The following TMEFF2 variants were observed in gnomAD, a reference collection of about 807,000 sequenced individuals.
TMEFF2 encodes tomoregulin-2.
Under a neutral mutation model 53.8 loss-of-function variants are expected in TMEFF2, and 28 were observed. The ratio of observed to expected loss-of-function variants is 0.52; its 90% CI spans 0.39 to 0.71. The LOEUF is 0.71. Ranked by LOEUF, TMEFF2 falls within the 30% of genes least tolerant of loss-of-function variation. TMEFF2 has a pLI of 0.00. For synonymous variants in TMEFF2, 162 were observed against 166.3 expected (o/e 0.97, Z 0.20); for missense variants, 353 against 455.2 (o/e 0.78, Z 2.04).
intron 5 of TMEFF2, among the ~76,000 whole-genome samples, chr2:192,033,520 ATTTTT>A (rs11396104): frequency 3.7e-5 from 5 of 135,606 alleles, no homozygotes; most frequent in Admixed American, 7.4e-5. Context: ...ACCAGTTTGG[ATTTTT>A]TTTTTTTTTT....
intron 4 of TMEFF2, among the ~76,000 whole-genome samples, chr2:192,060,638 T>C (rs1688021969): frequency 6.6e-6 from 1 of 152,180 alleles, no homozygotes; most frequent in South Asian, 2.1e-4. Flanking sequence ...TGAAAACCAC[T>C]GATTTAGTAC....
At chr2:192,104,151 A>G (rs559606726) in intron 4 of TMEFF2, among the ~76,000 whole-genome samples, 8 of 152,256 alleles carry the variant, frequency 5.3e-5, no homozygotes, top group Admixed American at 5.2e-4. Context: ...GCTTAAGGTA[A>G]AAGGGGGTAG....
intron 4 of TMEFF2, among the ~76,000 whole-genome samples, chr2:192,148,323 C>T (rs1310446100): frequency 1.3e-5 from 2 of 151,962 alleles, no homozygotes; most frequent in Non-Finnish European, 2.9e-5. Flanking sequence ...ATATTTTCCA[C>T]AATAATATGA....
At chr2:192,182,195 G>A (rs1691203071) in intron 3 of TMEFF2, among the ~76,000 whole-genome samples, 1 of 151,796 alleles carries the variant, frequency 6.6e-6, no homozygotes, top group Non-Finnish European at 1.5e-5. Flanking sequence ...TATTCCTAGA[G>A]CTTACAACTT....
Position 191,949,447 on chromosome 2 carries a change from T to A in TMEFF2, c.*864A>T. ...AGAACTATATACTATACATATTGTA[T>A]GGTGCTTTTGAGAATTCACGATTTT... On this transcript the variant is annotated 3_prime_UTR_variant, in exon 10 of 10. Transcript: ENST00000272771. The A allele has an allele frequency of 1.0e-6, 1 of 985,456 alleles. No individual in the cohort carries two copies. The highest frequency in any genetic ancestry group is 4.7e-5 in the South Asian group (1 of 21,288). 61.0% of individuals were successfully genotyped at this position (985,456 alleles called of 1,614,324 possible).
chr2:191,952,002 G>A (rs1358311535), intron 9 of TMEFF2, among the ~76,000 whole-genome samples: 1 of 152,186 alleles, frequency 6.6e-6, no homozygotes, highest in East Asian at 1.9e-4. Flanking sequence ...AGTGCAGTAT[G>A]AGCATGGTGA....
chr2:192,148,431 G>A (rs976231753), intron 4 of TMEFF2, among the ~76,000 whole-genome samples: 8 of 151,964 alleles, frequency 5.3e-5, no homozygotes, highest in African/African-American at 1.9e-4. Context: ...CCCTAGGTTT[G>A]CATTCCTCTT....
At chr2:192,162,292 G>C (rs1254375748) in intron 4 of TMEFF2, among the ~76,000 whole-genome samples, 9 of 152,126 alleles carry the variant, frequency 5.9e-5, no homozygotes, top group Non-Finnish European at 1.0e-4. Flanking sequence ...AGGGGTGAGT[G>C]TGCTGTGTCT....
chr2:191,979,556 C>T (rs1278809684), intron 7 of TMEFF2, among the ~76,000 whole-genome samples: 1 of 152,138 alleles, frequency 6.6e-6, no homozygotes, highest in Non-Finnish European at 1.5e-5. Flanking sequence ...CTCTCCCCTT[C>T]CCTGGAATTC....
In TMEFF2 at chr2:192,043,566, G is replaced by A. The variant is rs533774188; in HGVS notation, c.536+14113C>T. On this transcript the variant is annotated intron_variant, in intron 5 of 9. Transcript: ENST00000272771. ...GTCCACAGTCAGAGTACAGGCTTAT[G>A]GAGGTCAGGTGATCAGTGAAGCTTT... 5.3e-5 allele frequency: 8 copies of A among 152,344 alleles called. No homozygotes were observed. In the East Asian group the frequency reaches 1.5e-3, roughly 29 times the overall value. The allele number at this position is 152,344 out of a possible 1,614,324, so 9.4% of individuals were successfully genotyped here. A position where few individuals can be genotyped will look rare whatever the true frequency, so the allele number is the denominator to read the frequency against.
chr2:192,188,344 G>A (rs1311105378), intron 2 of TMEFF2, among the ~76,000 whole-genome samples: 1 of 152,136 alleles, frequency 6.6e-6, no homozygotes, highest in Non-Finnish European at 1.5e-5. Context: ...TATGCTATGA[G>A]GAAGACAAAA....
intron 5 of TMEFF2, chr2:192,028,478 T>TTGTGTGTG (rs60188276): frequency 6.7e-6 from 1 of 150,098 alleles, no homozygotes; most frequent in Non-Finnish European, 1.5e-5. Context: ...TCATACTGTT[T>TTGTGTGTG]TGTGTGTGTG....
intron 4 of TMEFF2, among the ~76,000 whole-genome samples, chr2:192,152,276 G>GAAA (rs2106001849): frequency 6.6e-6 from 1 of 151,972 alleles, no homozygotes. Context: ...ATCCAGATAG[G>GAAA]AAAATCAGTC....
intron 1 of TMEFF2, among the ~76,000 whole-genome samples, chr2:192,193,029 T>C (rs1430642764): frequency 6.6e-6 from 1 of 152,178 alleles, no homozygotes; most frequent in African/African-American, 2.4e-5. Flanking sequence ...AAGGATAAAT[T>C]AGAATGATGC....
intron 7 of TMEFF2, among the ~76,000 whole-genome samples, chr2:191,969,006 A>G (rs1692546740): frequency 6.6e-6 from 1 of 152,046 alleles, no homozygotes; most frequent in African/African-American, 2.4e-5. Flanking sequence ...TTACCTATTC[A>G]GGGCACATAA....
chr2:191,990,251 T>C (rs1400057281), intron 7 of TMEFF2, among the ~76,000 whole-genome samples: 2 of 152,154 alleles, frequency 1.3e-5, no homozygotes, highest in African/African-American at 2.4e-5. Flanking sequence ...TGAGACATTT[T>C]GTTGTATAGA....
chr2:192,138,721 T>C (rs541459753), intron 4 of TMEFF2, among the ~76,000 whole-genome samples: 1 of 152,292 alleles, frequency 6.6e-6, no homozygotes, highest in South Asian at 2.1e-4. Flanking sequence ...GAGTTTCTCA[T>C]TCTGAAGTTT....
At chr2:192,174,756 C>A (rs187155901) in intron 4 of TMEFF2, among the ~76,000 whole-genome samples, 3 of 151,734 alleles carry the variant, frequency 2.0e-5, no homozygotes, top group Admixed American at 2.0e-4. Flanking sequence ...AAGTTGCTTA[C>A]AATTGACACC....
intron 7 of TMEFF2, among the ~76,000 whole-genome samples, chr2:191,977,326 C>T (rs1685754144): frequency 6.6e-6 from 1 of 152,246 alleles, no homozygotes; most frequent in Non-Finnish European, 1.5e-5. Context: ...GCAAAGGCGG[C>T]ACCCACTAAC....
Sources: allele counts gnomAD v4.1 joint callset (sites outside exome capture counted in the v4.1 genomes callset), GRCh38; gene constraint gnomAD v4.1.1; transcripts MANE v1.5; gene names NCBI Gene and HGNC (gene_info 2026-07-23, HGNC 2026-07-21).